The following FGF14 variants were observed in gnomAD, a reference collection of about 807,000 sequenced individuals.
FGF14 encodes the protein fibroblast growth factor homologous factor 4.
A neutral mutation model predicts 25.5 loss-of-function variants in FGF14; 5 were observed. The observed-to-expected ratio is 0.20, with a 90% CI of 0.10 to 0.41. The LOEUF is 0.41. FGF14 is among the 10% of genes least tolerant of loss of function. The pLI is 1.00. For synonymous variants in FGF14, 138 were observed against 118.3 expected (o/e 1.17, Z -1.08); for missense variants, 222 against 320.1 (o/e 0.69, Z 2.34).
At chr13:101,862,760 A>T (rs547052428) in intron 3 of FGF14, among the ~76,000 whole-genome samples, 1 of 152,230 alleles carries the variant, frequency 6.6e-6, no homozygotes, top group East Asian at 1.9e-4. Context: ...AATACTATAA[A>T]TTATCTTGGC....
intron 1 of FGF14, among the ~76,000 whole-genome samples, chr13:102,242,727 A>C (rs1003029478): frequency 1.3e-5 from 2 of 152,104 alleles, no homozygotes; most frequent in African/African-American, 4.8e-5. Context: ...AAACCACAGC[A>C]CATGCATTAT....
intron 1 of FGF14, among the ~76,000 whole-genome samples, chr13:102,202,147 T>C (rs1395334658): frequency 6.6e-6 from 1 of 152,214 alleles, no homozygotes; most frequent in Admixed American, 6.5e-5. Flanking sequence ...AAGCAGATGC[T>C]GCCATGCTTC....
chr13:101,981,926 T>G (rs2038291855), intron 1 of FGF14, among the ~76,000 whole-genome samples: 1 of 152,134 alleles, frequency 6.6e-6, no homozygotes, highest in Non-Finnish European at 1.5e-5. Flanking sequence ...CTCACCTGAG[T>G]TCCATAGACT....
At chr13:101,868,344 T>A (rs1431561003) in intron 3 of FGF14, 1 of 205,862 alleles carries the variant, frequency 4.9e-6, no homozygotes, top group Non-Finnish European at 9.9e-6. Context: ...ATTTGAATTC[T>A]TACTTTAGAA....
At chr13:102,136,405 G>A (rs992758367) in intron 1 of FGF14, among the ~76,000 whole-genome samples, 5 of 152,136 alleles carry the variant, frequency 3.3e-5, no homozygotes, top group Admixed American at 6.6e-5. Flanking sequence ...CAGAGCCACC[G>A]ACTGGACTCA....
chr13:102,289,749 G>A (rs2141255771), intron 1 of FGF14, among the ~76,000 whole-genome samples: 1 of 152,210 alleles, frequency 6.6e-6, no homozygotes, highest in Middle Eastern at 3.4e-3. Flanking sequence ...ATAGGTACAG[G>A]CCTTAGACAA....
intron 1 of FGF14, among the ~76,000 whole-genome samples, chr13:102,220,087 C>T (rs1389014262): frequency 6.6e-6 from 1 of 152,100 alleles, no homozygotes; most frequent in Non-Finnish European, 1.5e-5. Flanking sequence ...ATTTTCCCTT[C>T]CATAAAAGCT....
intron 3 of FGF14, among the ~76,000 whole-genome samples, chr13:101,757,303 A>G (rs936374209): frequency 1.3e-4 from 19 of 151,966 alleles, no homozygotes; most frequent in Non-Finnish European, 1.5e-5. Flanking sequence ...TTGGGGTTCT[A>G]TTTTCTCATA....
Position 102,064,844 on chromosome 13 carries a change from T to C in FGF14, c.209-189548A>G, listed in dbSNP as rs80356252. ...TATATTGAAGAATATGCATAGGCTA[T>C]ATGAAAATACTATGCCATTTTGTAT... On this transcript the variant is annotated intron_variant, in intron 1 of 4. Coordinates refer to the FGF14 transcript ENST00000376131. Among the ~76,000 whole-genome samples the C allele has an allele frequency of 3.5e-3, 536 of 152,222 alleles. 2 individuals are homozygous for C. Among genetic ancestry groups the C allele is most frequent in the African/African-American group, 0.012 (513 of 41,554 alleles).
chr13:102,225,722 A>G (rs898681425), intron 1 of FGF14, among the ~76,000 whole-genome samples: 1 of 152,224 alleles, frequency 6.6e-6, no homozygotes. Flanking sequence ...TGCAAAATAT[A>G]TCTTCTTTTT....
Position 102,136,410 on chromosome 13 carries a change from G to C in FGF14, c.209-261114C>G, listed in dbSNP as rs1355295129. On this transcript the variant is annotated intron_variant, in intron 1 of 4. Transcript: ENST00000376131. ...CGTTAAGTGGCAGAGCCACCGACTG[G>C]ACTCAGGTAGTCTTATTACACATTT... Among the ~76,000 whole-genome samples, 9 of 152,102 alleles carry C rather than the reference G, an allele frequency of 5.9e-5. 1 individual carries two copies. Among genetic ancestry groups the C allele is most frequent in the Non-Finnish European group, 1.2e-4 (8 of 68,016 alleles).
intron 1 of FGF14, among the ~76,000 whole-genome samples, chr13:101,959,220 C>T (rs965467490): frequency 7.2e-5 from 11 of 152,040 alleles, no homozygotes; most frequent in Non-Finnish European, 1.6e-4. Context: ...GGTGGAGCTC[C>T]GGCGGTCATG....
intron 1 of FGF14, among the ~76,000 whole-genome samples, chr13:102,050,444 C>T (rs1475271475): frequency 2.0e-5 from 3 of 152,142 alleles, no homozygotes; most frequent in African/African-American, 4.8e-5. Context: ...CAACTACAAA[C>T]GTTGAACACC....
intron 1 of FGF14, among the ~76,000 whole-genome samples, chr13:101,900,789 T>C (rs954563019): frequency 5.3e-5 from 8 of 152,198 alleles, no homozygotes; most frequent in Non-Finnish European, 8.8e-5. Context: ...ATTAATTAAG[T>C]TGTGTATGAT....
chr13:101,748,638 A>G (rs7490138), intron 3 of FGF14, among the ~76,000 whole-genome samples: 3 of 151,838 alleles, frequency 2.0e-5, no homozygotes, highest in African/African-American at 7.3e-5. Flanking sequence ...AAATTAAAAA[A>G]CAAAAAATAA....
At chr13:102,187,700 T>C (rs542428354) in intron 1 of FGF14, among the ~76,000 whole-genome samples, 1 of 152,310 alleles carries the variant, frequency 6.6e-6, no homozygotes, top group South Asian at 2.1e-4. Flanking sequence ...CAGATTTGTT[T>C]TCAGTCTGAA....
At chr13:102,113,073 C>A (rs2045309528) in intron 1 of FGF14, among the ~76,000 whole-genome samples, 1 of 152,158 alleles carries the variant, frequency 6.6e-6, no homozygotes, top group African/African-American at 2.4e-5. Context: ...TGGTTTTTAC[C>A]TGTGAATTCA....
chr13:102,003,941 C>T (rs1594958253), intron 1 of FGF14, among the ~76,000 whole-genome samples: 3 of 152,092 alleles, frequency 2.0e-5, no homozygotes, highest in African/African-American at 4.8e-5. Context: ...TTTTCAACTC[C>T]CTGGTGCTTT....
upstream of FGF14, among the ~76,000 whole-genome samples, chr13:101,920,812 G>A (rs1052660778): frequency 6.6e-6 from 1 of 152,110 alleles, no homozygotes; most frequent in Non-Finnish European, 1.5e-5. Flanking sequence ...ACTGAGTCCC[G>A]TAAGCCTACT....
Sources: allele counts gnomAD v4.1 joint callset (sites outside exome capture counted in the v4.1 genomes callset), GRCh38; gene constraint gnomAD v4.1.1; transcripts MANE v1.5; gene names NCBI Gene and HGNC (gene_info 2026-07-23, HGNC 2026-07-21).